The following NDEL1 variants were observed in gnomAD, a reference collection of about 807,000 sequenced individuals.
NDEL1 encodes the protein nudE neurodevelopment protein 1 like 1.
A neutral mutation model predicts 45.7 loss-of-function variants in NDEL1; 9 were observed. The ratio of observed to expected loss-of-function variants is 0.20; its 90% CI spans 0.12 to 0.34. NDEL1 has a LOEUF of 0.34. Among genes scored for constraint, NDEL1 ranks in the 10% least tolerant of loss-of-function variants. The probability of loss-of-function intolerance (pLI) is 1.00; values close to 1 mark genes in which losing one functional copy is unlikely to be tolerated. For synonymous variants in NDEL1, 133 were observed against 158.6 expected, an observed-to-expected ratio of 0.84 and a Z score of 1.21; for missense variants, 306 against 406.2, an observed-to-expected ratio of 0.75 and a Z score of 2.12.
At chr17:8,462,134 G>A (rs1911249873) in intron 8 of NDEL1, among the ~76,000 whole-genome samples, 1 of 151,800 alleles carries the variant, frequency 6.6e-6, no homozygotes, top group Non-Finnish European at 1.5e-5. Flanking sequence ...GAGCATCCGA[G>A]ATGTAAGTGT....
At chr17:8,456,282 G>C (rs1239625875) in intron 7 of NDEL1, among the ~76,000 whole-genome samples, 12 of 152,108 alleles carry the variant, frequency 7.9e-5, no homozygotes, top group African/African-American at 2.7e-4. Context: ...ACAGTACATA[G>C]AGTAATCTTT....
At chr17:8,426,888 C>A (rs1597513964) in intron 1 of NDEL1, among the ~76,000 whole-genome samples, 2 of 152,170 alleles carry the variant, frequency 1.3e-5, no homozygotes, top group South Asian at 2.1e-4. Flanking sequence ...CAGGGCAGGA[C>A]CTTCATAGGA....
intron 7 of NDEL1, among the ~76,000 whole-genome samples, chr17:8,458,001 G>C (rs1193359322): frequency 2.0e-5 from 3 of 152,096 alleles, no homozygotes; most frequent in Non-Finnish European, 2.9e-5. Context: ...TTGAAAGCGT[G>C]TCCCCATTTA....
chr17:8,455,323 C>T (rs1313102296), intron 7 of NDEL1, among the ~76,000 whole-genome samples: 1 of 152,182 alleles, frequency 6.6e-6, no homozygotes, highest in African/African-American at 2.4e-5. Context: ...CACCTTATTT[C>T]CTTGGCCACC....
intron 1 of NDEL1, among the ~76,000 whole-genome samples, chr17:8,430,400 T>TATC (rs1233610019): frequency 8.5e-5 from 13 of 152,194 alleles, no homozygotes; most frequent in African/African-American, 3.1e-4. Flanking sequence ...CTCGTCAGAA[T>TATC]TTCCACAGTG....
chr17:8,459,635 TCCCAAAACACACCCTGCC>T (rs1318825396), intron 7 of NDEL1, among the ~76,000 whole-genome samples: 1 of 152,106 alleles, frequency 6.6e-6, no homozygotes, highest in African/African-American at 2.4e-5. Context: ...TAGTGCTTGC[TCCCAAAACACACCCTGCC>T]CCCCAACACC....
chr17:8,434,897 C>T (rs1050351193), upstream of NDEL1, among the ~76,000 whole-genome samples: 3 of 152,022 alleles, frequency 2.0e-5, no homozygotes, highest in Admixed American at 1.3e-4. Context: ...TGGTGAAACC[C>T]CGTCTCTACT....
intron 6 of NDEL1, among the ~76,000 whole-genome samples, chr17:8,452,951 C>T (rs1347512140): frequency 6.6e-6 from 1 of 151,950 alleles, no homozygotes; most frequent in Non-Finnish European, 1.5e-5. Flanking sequence ...GTTGGTCAGG[C>T]CAGTCTCAAA....
chr17:8,422,331 C>T (rs1049941853), intron 1 of NDEL1, among the ~76,000 whole-genome samples: 2 of 152,038 alleles, frequency 1.3e-5, no homozygotes, highest in Admixed American at 6.6e-5. Flanking sequence ...TTGTTGTTGA[C>T]GGAGTCTCGC....
In NDEL1 at chr17:8,466,795, C is replaced by T. The variant is rs1911624052; in HGVS notation, c.945-135C>T. 3.6e-6 allele frequency: 3 copies of T among 827,064 alleles called. No homozygotes were observed. The East Asian group carries it at 8.1e-5, about 22-fold the overall frequency. The allele number at this position is 827,064 out of a possible 1,614,324, so 51.2% of individuals were successfully genotyped here. A position where few individuals can be genotyped will look rare whatever the true frequency, so the allele number is the denominator to read the frequency against. ...GGTGCTTTCCAGGCAGCCAGTGCCC[C>T]TTGGGCCATCAGGACCCTACAGCCT... On this transcript the variant is annotated intron_variant, in intron 8 of 8. Coordinates refer to ENST00000334527, the MANE Select transcript of NDEL1 (RefSeq NM_030808.5).
chr17:8,463,205 T>C (rs1302133378), intron 8 of NDEL1: 15 of 717,510 alleles, frequency 2.1e-5, no homozygotes, highest in Non-Finnish European at 2.8e-5. Flanking sequence ...TCTATTTTTG[T>C]AAGCCACTCT....
upstream of NDEL1, among the ~76,000 whole-genome samples, chr17:8,434,440 G>C (rs11078750): frequency 0.93 from 141,937 of 152,068 alleles, 67,025 homozygotes; most frequent in East Asian, 1. Flanking sequence ...TGGTCTCGAA[G>C]TCCTGGCCTC....
chr17:8,432,549 T>C (rs1909043828), upstream of NDEL1, among the ~76,000 whole-genome samples: 1 of 151,180 alleles, frequency 6.6e-6, no homozygotes, highest in Admixed American at 6.6e-5. Flanking sequence ...TACACCCAGC[T>C]AATTTTTTGG....
upstream of NDEL1, among the ~76,000 whole-genome samples, chr17:8,432,345 TAAATATAAATATAAATATATATA>T (rs1567722374): frequency 3.8e-4 from 2 of 5,292 alleles, no homozygotes; most frequent in African/African-American, 4.1e-4. Flanking sequence ...ATATTATATA[TAAATATAAATATAAATATATATA>T]TATTTAATGG....
chr17:8,438,464 G>GT (rs1280265708), intron 1 of NDEL1, among the ~76,000 whole-genome samples: 1 of 152,144 alleles, frequency 6.6e-6, no homozygotes, highest in Non-Finnish European at 1.5e-5. Flanking sequence ...TGAAACTGTC[G>GT]TTTGAGTATC....
downstream of NDEL1, among the ~76,000 whole-genome samples, chr17:8,472,214 C>T (rs1911853658): frequency 6.6e-6 from 1 of 152,212 alleles, no homozygotes; most frequent in Non-Finnish European, 1.5e-5. Flanking sequence ...ATAGAAAGGG[C>T]TGGCTAGAAC....
At chr17:8,424,696 G>A (rs998447508) in intron 1 of NDEL1, among the ~76,000 whole-genome samples, 2 of 152,142 alleles carry the variant, frequency 1.3e-5, no homozygotes, top group East Asian at 3.9e-4. Flanking sequence ...AGTAGAGATG[G>A]GGTTTCACCG....
intron 1 of NDEL1, among the ~76,000 whole-genome samples, chr17:8,429,677 G>C (rs760590345): frequency 1.3e-5 from 2 of 152,290 alleles, no homozygotes; most frequent in Non-Finnish European, 2.9e-5. Flanking sequence ...GCCAGACCTA[G>C]AGAGGTGATC....
In NDEL1 at chr17:8,430,176, G is replaced by A. The variant is rs533190673; in HGVS notation, c.-12-14084G>A. The stretch of plus-strand genomic sequence containing the variant: ...CAAAGGAAAATCTGTTTGGGGTTTC[G>A]GCATGTAGAGCTGGAGGTGGTGGTG... On this transcript the variant is annotated intron_variant, in intron 1 of 4. Transcript: ENST00000582812. Among the ~76,000 whole-genome samples, 4 of 152,264 alleles carry A rather than the reference G, an allele frequency of 2.6e-5. No individual in the cohort carries two copies. In the South Asian group the frequency reaches 6.2e-4, roughly 24 times the overall value.
Sources: allele counts gnomAD v4.1 joint callset (sites outside exome capture counted in the v4.1 genomes callset), GRCh38; gene constraint gnomAD v4.1.1; transcripts MANE v1.5; gene names NCBI Gene and HGNC (gene_info 2026-07-23, HGNC 2026-07-21).